SNTG1: variants seen among roughly 807,000 people sequenced by gnomAD.
SNTG1 encodes gamma-1-syntrophin.
Under a neutral mutation model 74.7 loss-of-function variants are expected in SNTG1, and 39 were observed. That is an observed-to-expected ratio of 0.52 (90% CI 0.40 to 0.68). The LOEUF (loss-of-function observed/expected upper bound fraction) is 0.68, where lower values mean the gene tolerates loss of function less well. Among genes scored for constraint, SNTG1 ranks in the 30% least tolerant of loss-of-function variants. SNTG1 has a pLI of 0.00. For synonymous variants in SNTG1, 254 were observed against 217.1 expected (o/e 1.17, Z -1.49); for missense variants, 685 against 609.5 (o/e 1.12, Z -1.30).
chr8:50,686,106 T>G (rs1375671753), intron 15 of SNTG1, among the ~76,000 whole-genome samples: 1 of 152,194 alleles, frequency 6.6e-6, no homozygotes, highest in African/African-American at 2.4e-5. Context: ...TATTATGGAC[T>G]ACTTAATATG....
intron 1 of SNTG1, among the ~76,000 whole-genome samples, chr8:50,076,840 G>A (rs1034395990): frequency 6.6e-6 from 1 of 152,054 alleles, no homozygotes; most frequent in Non-Finnish European, 1.5e-5. Flanking sequence ...GGTAACTCAG[G>A]AGATATCCAG....
chr8:50,538,045 A>G (rs536642290), intron 11 of SNTG1, among the ~76,000 whole-genome samples: 17 of 152,232 alleles, frequency 1.1e-4, no homozygotes, highest in East Asian at 7.7e-4. Flanking sequence ...TGATTTATTT[A>G]TAGTATTTTT....
At chr8:50,589,161 T>C (rs1395862530) in intron 12 of SNTG1, among the ~76,000 whole-genome samples, 1 of 152,200 alleles carries the variant, frequency 6.6e-6, no homozygotes, top group Non-Finnish European at 1.5e-5. Context: ...ATAGTAGTAA[T>C]GTTATGTAAT....
At chr8:50,075,314 G>C (rs1410530448) in intron 1 of SNTG1, among the ~76,000 whole-genome samples, 2 of 152,192 alleles carry the variant, frequency 1.3e-5, no homozygotes, top group Non-Finnish European at 2.9e-5. Flanking sequence ...AGCCAGCAAG[G>C]CTCCTGAGTC....
At chr8:50,496,956 G>A (rs1023045546) in intron 8 of SNTG1, among the ~76,000 whole-genome samples, 1 of 143,234 alleles carries the variant, frequency 7.0e-6, no homozygotes, top group Non-Finnish European at 1.5e-5. Context: ...GATATAATAT[G>A]CATTTAAAGC....
intron 1 of SNTG1, among the ~76,000 whole-genome samples, chr8:50,076,657 T>A (rs559937467): frequency 2.0e-5 from 3 of 152,178 alleles, no homozygotes; most frequent in Non-Finnish European, 4.4e-5. Context: ...GGTTTTTATC[T>A]TATATATGTA....
chr8:50,155,054 T>C (rs1191714959), intron 1 of SNTG1, among the ~76,000 whole-genome samples: 1 of 152,226 alleles, frequency 6.6e-6, no homozygotes, highest in Non-Finnish European at 1.5e-5. Flanking sequence ...TCAATTGAAA[T>C]AATTTTAAAA....
intron 17 of SNTG1, among the ~76,000 whole-genome samples, chr8:50,745,641 T>G (rs931180778): frequency 6.6e-6 from 1 of 151,962 alleles, no homozygotes; most frequent in Non-Finnish European, 1.5e-5. Flanking sequence ...AGTTGACAAA[T>G]GGTGAATGCA....
At chr8:50,035,338 C>G (rs1208545291) in intron 1 of SNTG1, among the ~76,000 whole-genome samples, 1 of 152,182 alleles carries the variant, frequency 6.6e-6, no homozygotes, top group Non-Finnish European at 1.5e-5. Flanking sequence ...TCCCTCTGTT[C>G]TTTTCCAACT....
intron 1 of SNTG1, among the ~76,000 whole-genome samples, chr8:50,056,088 C>T (rs1820000756): frequency 6.6e-6 from 1 of 152,054 alleles, no homozygotes; most frequent in African/African-American, 2.4e-5. Flanking sequence ...TGAAAATAGC[C>T]TCATATTGTT....
intron 1 of SNTG1, among the ~76,000 whole-genome samples, chr8:50,047,308 T>C (rs1401858832): frequency 6.6e-6 from 1 of 152,000 alleles, no homozygotes; most frequent in Non-Finnish European, 1.5e-5. Flanking sequence ...CACCATGCTC[T>C]AGCCTTGGTG....
At chr8:50,491,885 C>CA (rs149523381) in intron 8 of SNTG1, among the ~76,000 whole-genome samples, 5,793 of 64,818 alleles carry the variant, frequency 0.089, 127 homozygotes, top group Middle Eastern at 0.23. Flanking sequence ...CTAGCTCCCC[C>CA]GCCCCCCTAC....
chr8:50,210,578 A>G (rs1389550675), intron 2 of SNTG1, among the ~76,000 whole-genome samples: 3 of 152,314 alleles, frequency 2.0e-5, no homozygotes, highest in Non-Finnish European at 2.9e-5. Flanking sequence ...AATATTCAAC[A>G]TTCTTAAAGA....
At chr8:50,630,291 G>C (rs1192830678) in intron 13 of SNTG1, among the ~76,000 whole-genome samples, 2 of 152,104 alleles carry the variant, frequency 1.3e-5, no homozygotes, top group African/African-American at 4.8e-5. Flanking sequence ...GAGAGAAAAA[G>C]GTAGGCTTAC....
chr8:50,219,417 AAAC>A (rs1446102708), intron 2 of SNTG1, among the ~76,000 whole-genome samples: 5 of 152,206 alleles, frequency 3.3e-5, no homozygotes, highest in Admixed American at 2.6e-4. Context: ...AAGAAACAAT[AAAC>A]ACCAGTGTTT....
At chr8:49,982,205 C>T (rs1422234429) in intron 1 of SNTG1, among the ~76,000 whole-genome samples, 4 of 151,952 alleles carry the variant, frequency 2.6e-5, no homozygotes, top group Non-Finnish European at 5.9e-5. Flanking sequence ...ATGTCAGATC[C>T]TTCAGTTATA....
At chr8:49,958,192 G>A (rs1810352854) in intron 1 of SNTG1, among the ~76,000 whole-genome samples, 1 of 152,076 alleles carries the variant, frequency 6.6e-6, no homozygotes, top group South Asian at 2.1e-4. Flanking sequence ...AAGGACAAAG[G>A]CCCAGCCTAT....
At chr8:50,175,115 T>A (rs571869477) in intron 2 of SNTG1, among the ~76,000 whole-genome samples, 60 of 152,258 alleles carry the variant, frequency 3.9e-4, no homozygotes, top group Middle Eastern at 3.4e-3. Flanking sequence ...TCTATCATTG[T>A]TGGACATTTG....
chr8:50,632,373 C>T (rs938847486), intron 13 of SNTG1, among the ~76,000 whole-genome samples: 12 of 151,650 alleles, frequency 7.9e-5, no homozygotes, highest in African/African-American at 2.2e-4. Flanking sequence ...TGCAGTGTTG[C>T]AATCTCGGCT....
Sources: allele counts gnomAD v4.1 joint callset (sites outside exome capture counted in the v4.1 genomes callset), GRCh38; gene constraint gnomAD v4.1.1; transcripts MANE v1.5; gene names NCBI Gene and HGNC (gene_info 2026-07-23, HGNC 2026-07-21).